The following CEP63 variants were observed in gnomAD, a reference collection of about 807,000 sequenced individuals.
CEP63 encodes centrosomal protein 63.
In CEP63, 84 loss-of-function variants were observed where a neutral mutation model predicts 89.1. The observed-to-expected ratio is 0.94, with a 90% CI of 0.79 to 1.13. CEP63 has a LOEUF of 1.13. Ranked by LOEUF, CEP63 falls within the 50% of genes most tolerant of loss-of-function variation. The pLI is 0.00. For synonymous variants in CEP63, 267 were observed against 272.5 expected, an observed-to-expected ratio of 0.98 and a Z score of 0.20; for missense variants, 838 against 813.3, an observed-to-expected ratio of 1.03 and a Z score of -0.37.
downstream of CEP63, among the ~76,000 whole-genome samples, chr3:134,588,983 A>G (rs2107681994): frequency 6.6e-6 from 1 of 152,336 alleles, no homozygotes; most frequent in South Asian, 2.1e-4. Context: ...TCTTTTAAAA[A>G]CTCATCATAC....
chr3:134,524,105 C>T (rs963758080), intron 3 of CEP63, among the ~76,000 whole-genome samples: 4 of 151,962 alleles, frequency 2.6e-5, no homozygotes, highest in Non-Finnish European at 5.9e-5. Context: ...TTTTCACCTC[C>T]CTGGTTAGCT....
At chr3:134,706,961 A>G in the CEP63 span, among the ~76,000 whole-genome samples, 5 of 152,142 alleles carry the variant, frequency 3.3e-5, no homozygotes, top group South Asian at 1.0e-3. Context: ...TTTAAGTCCC[A>G]CTCTAAATCT....
the CEP63 span, among the ~76,000 whole-genome samples, chr3:134,617,783 G>A: frequency 2.6e-5 from 4 of 152,220 alleles, no homozygotes; most frequent in African/African-American, 9.6e-5. Flanking sequence ...GGAGCTCTGG[G>A]GAGAGGGAGC....
At chr3:134,591,569 A>C (rs573493939), downstream of CEP63, among the ~76,000 whole-genome samples, 9 of 152,222 alleles carry the variant, frequency 5.9e-5, no homozygotes, top group African/African-American at 1.9e-4. Context: ...TAATATTGAG[A>C]TACAGGACAG....
chr3:134,639,618 G>A, the CEP63 span, among the ~76,000 whole-genome samples: 1 of 152,212 alleles, frequency 6.6e-6, no homozygotes, highest in South Asian at 2.1e-4. Flanking sequence ...TGACCTTGAG[G>A]ACAGAAGCCT....
At chr3:134,620,921 C>A in the CEP63 span, 1 of 950,034 alleles carries the variant, frequency 1.1e-6, no homozygotes. Flanking sequence ...GGCCCAGCAT[C>A]TTGCACCTAC....
Position 134,551,965 on chromosome 3 carries a change from C to T in CEP63, c.1420C>T (p.Arg474Cys), listed in dbSNP as rs754631246. 2.1e-5 allele frequency: 33 copies of T among 1,608,452 alleles called. No individual in the cohort carries two copies. The highest frequency in any genetic ancestry group is 2.7e-5 in the African/African-American group (2 of 74,656). ...DQLESLKLEN[R>C]HLSEMVMKLE... The stretch of plus-strand genomic sequence containing the variant: ...GCTGGAGTCACTCAAATTAGAAAAT[C>T]GTCATCTTTCTGAAATGGTGATGAA... Residue 474 changes from arginine (R) to cysteine (C), a missense_variant, in exon 12 of 15, where the codon CGT (arginine) becomes TGT (cysteine). Physicochemically the swap from Arg to Cys is radical, Grantham distance 180. Coordinates refer to ENST00000675561, the MANE Select transcript of CEP63 (RefSeq NM_001353108.3).
At chr3:134,497,212 T>C (rs1940396508) in intron 2 of CEP63, among the ~76,000 whole-genome samples, 1 of 152,230 alleles carries the variant, frequency 6.6e-6, no homozygotes, top group Non-Finnish European at 1.5e-5. Flanking sequence ...TCTCCCATTC[T>C]ACAAGTTGTC....
At chr3:134,522,233 G>A (rs1447420808) in intron 3 of CEP63, among the ~76,000 whole-genome samples, 1 of 152,134 alleles carries the variant, frequency 6.6e-6, no homozygotes, top group Non-Finnish European at 1.5e-5. Context: ...TGGATGAAAA[G>A]ACTCAAAGTG....
chr3:134,707,569 C>T, the CEP63 span, among the ~76,000 whole-genome samples: 2 of 152,112 alleles, frequency 1.3e-5, no homozygotes, highest in African/African-American at 4.8e-5. Context: ...ACTACTGTCT[C>T]CTCTTGCTCT....
intron 2 of CEP63, among the ~76,000 whole-genome samples, chr3:134,503,579 C>A (rs910446989): frequency 1.4e-4 from 21 of 152,018 alleles, no homozygotes; most frequent in African/African-American, 5.1e-4. Flanking sequence ...CTGTCTAAAT[C>A]ACTTGTCCAG....
chr3:134,549,097 G>A lies in CEP63; in HGVS notation c.1103G>A (p.Ser368Asn). ...GTGAGTGCAACGTGTAAACAGCTGA[G>A]CCAAGAACTAATGGAAAAATATGAA... ...ESVSATCKQL[S>N]QELMEKYEEL... is the part of the protein sequence containing the mutation. The change falls in exon 10 of 15, where the codon AGC (serine) becomes AAC (asparagine). Residue 368 changes from serine (S) to asparagine (N), a missense_variant. Coordinates refer to ENST00000675561, the MANE Select transcript of CEP63 (RefSeq NM_001353108.3). 3.7e-6 allele frequency: 6 copies of A among 1,613,504 alleles called. No individual in the cohort carries two copies. Among genetic ancestry groups the A allele is most frequent in the Non-Finnish European group, 5.1e-6 (6 of 1,179,528 alleles).
the CEP63 span, among the ~76,000 whole-genome samples, chr3:134,749,804 C>T: frequency 9.0e-6 from 1 of 111,558 alleles, no homozygotes; most frequent in African/African-American, 2.8e-5. Context: ...AATTGATCAT[C>T]ATCTAGAGCC....
chr3:134,616,856 C>T, the CEP63 span, among the ~76,000 whole-genome samples: 6 of 152,274 alleles, frequency 3.9e-5, no homozygotes, highest in Middle Eastern at 6.8e-3. Context: ...AACACCCACC[C>T]CAAAATCGGG....
downstream of CEP63, among the ~76,000 whole-genome samples, chr3:134,578,322 G>GTTTT (rs71139542): frequency 0.023 from 1,445 of 61,622 alleles, 146 homozygotes; most frequent in African/African-American, 0.037. Flanking sequence ...TCTGACTTGT[G>GTTTT]TTTTTTTTTT....
the CEP63 span, among the ~76,000 whole-genome samples, chr3:134,627,032 T>C: frequency 6.6e-6 from 1 of 152,206 alleles, no homozygotes; most frequent in African/African-American, 2.4e-5. Context: ...CACTCCTATT[T>C]AGAATAAAGG....
the CEP63 span, among the ~76,000 whole-genome samples, chr3:134,756,281 G>T: frequency 6.6e-6 from 1 of 152,224 alleles, no homozygotes; most frequent in African/African-American, 2.4e-5. Flanking sequence ...ATAGAGAGCT[G>T]GGAAACTTTC....
chr3:134,690,739 C>A, the CEP63 span, among the ~76,000 whole-genome samples: 5 of 108,786 alleles, frequency 4.6e-5, no homozygotes, highest in Non-Finnish European at 8.5e-5. Context: ...AAAGGAAGAC[C>A]AAGATTTTTT....
the CEP63 span, chr3:134,629,768 T>C: frequency 5.7e-6 from 5 of 879,244 alleles, no homozygotes; most frequent in Non-Finnish European, 9.2e-6. Flanking sequence ...TGACTGATGA[T>C]TGAATAAAAA....
Sources: allele counts gnomAD v4.1 joint callset (sites outside exome capture counted in the v4.1 genomes callset), GRCh38; gene constraint gnomAD v4.1.1; transcripts MANE v1.5; gene names NCBI Gene and HGNC (gene_info 2026-07-23, HGNC 2026-07-21).